EBLN1: variants seen among roughly 807,000 people sequenced by gnomAD.
The protein encoded by EBLN1 is endogenous Bornavirus-like nucleoprotein 1.
In EBLN1, 1 loss-of-function variant was observed where a neutral mutation model predicts 0.8. The ratio of observed to expected loss-of-function variants is 1.32; its 90% CI spans 0.47 to 6.26. EBLN1 has a LOEUF of 6.26. Among genes scored for constraint, EBLN1 ranks in the 30% most tolerant of loss-of-function variants. The pLI is 0.15. For missense variants in EBLN1, 396 were observed against 447.9 expected (o/e 0.88, Z 1.05); for synonymous variants, 158 against 158.5 (o/e 1.00, Z 0.02).
Position 22,217,480 on chromosome 10 carries a change from C to G in EBLN1, c.-169+436G>C, listed in dbSNP as rs187771533. ...ATAAAGAAAGACAAAGAGGAAAAAA[C>G]ATATCCTCTGCTTTTTCTGTATATC... On this transcript the variant is annotated intron_variant, in intron 1 of 2. Transcript: ENST00000422359. 2.5e-3 allele frequency among the ~76,000 whole-genome samples: 382 copies of G among 152,342 alleles called. 1 individual carries two copies. The highest frequency in any genetic ancestry group is 3.9e-3 in the Non-Finnish European group (268 of 68,026).
In EBLN1 at chr10:22,214,641, C is replaced by T. The variant is rs191027442; in HGVS notation, c.-168-1676G>A. On this transcript the variant is annotated intron_variant, in intron 1 of 2. Coordinates refer to ENST00000422359, the MANE Select transcript of EBLN1 (RefSeq NM_001394757.1). ...GCAAGTATACAAGGTTAACACTGAC[C>T]TTATATAAAAACCTCATACAAATCT... Among the ~76,000 whole-genome samples the T allele has an allele frequency of 2.6e-5, 4 of 152,136 alleles. No homozygotes were observed. The East Asian group carries it at 7.7e-4, about 29-fold the overall frequency.
At chr10:22,210,505 C>T (rs571704414) in intron 2 of EBLN1, among the ~76,000 whole-genome samples, 6 of 152,258 alleles carry the variant, frequency 3.9e-5, no homozygotes, top group South Asian at 2.1e-4. Flanking sequence ...AAGCTTTCCT[C>T]GACATAAGGA....
intron 1 of EBLN1, among the ~76,000 whole-genome samples, chr10:22,216,261 CAAAACAAAAACA>C (rs748743903): frequency 6.6e-6 from 1 of 151,626 alleles, no homozygotes; most frequent in East Asian, 1.9e-4. Context: ...AAACACATTG[CAAAACAAAAACA>C]AAAACAAAAA....
intron 2 of EBLN1, among the ~76,000 whole-genome samples, chr10:22,210,792 C>T (rs1213185016): frequency 6.6e-6 from 1 of 152,106 alleles, no homozygotes; most frequent in Non-Finnish European, 1.5e-5. Flanking sequence ...CCCAGAATGC[C>T]CTCAGGTTTC....
chr10:22,208,671 T>G lies in EBLN1; in HGVS notation c.*212A>C. ...GTCAAAGCATATTTTTGGCCTCCAG[T>G]ACTTAAAAAGACTTTGGAGATCACA... is the stretch of plus-strand genomic sequence containing the variant. On this transcript the variant is annotated 3_prime_UTR_variant, in exon 3 of 3. Transcript: ENST00000422359. 6.1e-6 allele frequency: 3 copies of G among 494,546 alleles called. No individual in the cohort carries two copies. The highest frequency in any genetic ancestry group is 6.9e-5 in the East Asian group (2 of 29,142). 30.6% of individuals were successfully genotyped at this position (494,546 alleles called of 1,614,324 possible).
chr10:22,216,438 A>C lies in EBLN1; in HGVS notation c.-169+1478T>G, dbSNP rs4748796. Among the ~76,000 whole-genome samples, 3,119 of 152,228 alleles carry C rather than the reference A, an allele frequency of 0.02. 291 individuals are homozygous for C. In the East Asian group the frequency reaches 0.25, roughly 12 times the overall value. On this transcript the variant is annotated intron_variant, in intron 1 of 2. Coordinates refer to ENST00000422359, the MANE Select transcript of EBLN1 (RefSeq NM_001394757.1). ...TAAAACTAAAGATAATATATAACCT[A>C]CTTTGAATTATCACCAATAGACTCA...
chr10:22,216,602 T>C (rs1412986184), intron 1 of EBLN1, among the ~76,000 whole-genome samples: 2 of 152,214 alleles, frequency 1.3e-5, no homozygotes, highest in Admixed American at 6.5e-5. Flanking sequence ...TTCAAAAACT[T>C]AGAATATTTG....
intron 1 of EBLN1, among the ~76,000 whole-genome samples, chr10:22,214,865 C>T (rs74906659): frequency 1.2e-4 from 19 of 152,200 alleles, no homozygotes; most frequent in African/African-American, 4.3e-4. Context: ...TTATTTATAA[C>T]AGTCAAAAAG....
At chr10:22,214,918 A>G (rs1256138935) in intron 1 of EBLN1, among the ~76,000 whole-genome samples, 3 of 152,098 alleles carry the variant, frequency 2.0e-5, no homozygotes, top group Non-Finnish European at 4.4e-5. Context: ...ACTGATAAAT[A>G]AAATGAGTTA....
chr10:22,215,608 A>G (rs1834786663), intron 1 of EBLN1, among the ~76,000 whole-genome samples: 1 of 152,200 alleles, frequency 6.6e-6, no homozygotes, highest in Admixed American at 6.5e-5. Flanking sequence ...TGAAAGTGCA[A>G]ATTGACACCA....
At chr10:22,212,045 G>T (rs1343884712) in intron 2 of EBLN1, among the ~76,000 whole-genome samples, 1 of 152,140 alleles carries the variant, frequency 6.6e-6, no homozygotes, top group Non-Finnish European at 1.5e-5. Context: ...AAAACCAAAG[G>T]TCTTAACTAA....
Position 22,217,998 on chromosome 10 carries a change from A to T in EBLN1, c.-251T>A, listed in dbSNP as rs1462497071. The stretch of plus-strand genomic sequence containing the variant: ...GCAAGCACCTTCCTCACAGGGCAGC[A>T]GGACCTAGAGAAAGAGCAAGGACGA... On this transcript the variant is annotated 5_prime_UTR_variant, in exon 1 of 3. Coordinates refer to ENST00000422359, the MANE Select transcript of EBLN1 (RefSeq NM_001394757.1). 6.6e-6 allele frequency: 1 copy of T among 152,318 alleles called. No individual in the cohort carries two copies. Among genetic ancestry groups the T allele is most frequent in the East Asian group, 1.9e-4 (1 of 5,198 alleles). The allele number at this position is 152,318 out of a possible 1,614,324, so 9.4% of individuals were successfully genotyped here. A position where few individuals can be genotyped will look rare whatever the true frequency, so the allele number is the denominator to read the frequency against.
intron 1 of EBLN1, among the ~76,000 whole-genome samples, chr10:22,214,330 C>T (rs1292578769): frequency 4.6e-4 from 66 of 144,050 alleles, no homozygotes; most frequent in Non-Finnish European, 7.5e-4. Flanking sequence ...GACAAGGACT[C>T]ACTCTGTCAC....
chr10:22,209,994 T>C lies in EBLN1; in HGVS notation c.-11A>G, dbSNP rs1834735777. 4 of 1,392,642 alleles carry C rather than the reference T, an allele frequency of 2.9e-6. No individual in the cohort carries two copies. The East Asian group carries it at 7.5e-5, about 26-fold the overall frequency. The allele number at this position is 1,392,642 out of a possible 1,614,324, so 86.3% of individuals were successfully genotyped here. On this transcript the variant is annotated 5_prime_UTR_variant, in exon 3 of 3. Transcript: ENST00000422359. The stretch of plus-strand genomic sequence containing the variant: ...TCTTGGGCGGGACATTGTGGGTGAT[T>C]GTTTCTGTGATTTTCACACAATTTT...
intron 1 of EBLN1, among the ~76,000 whole-genome samples, chr10:22,214,352 T>C (rs1834775807): frequency 6.6e-6 from 1 of 150,486 alleles, no homozygotes; most frequent in Non-Finnish European, 1.5e-5. Flanking sequence ...CAGGCTGCAG[T>C]GTAGTGACAC....
intron 2 of EBLN1, among the ~76,000 whole-genome samples, chr10:22,211,292 C>T (rs1305479911): frequency 3.9e-5 from 6 of 151,952 alleles, no homozygotes; most frequent in East Asian, 1.9e-4. Flanking sequence ...TTTTATTCCC[C>T]GAAAGTCCAT....
intron 1 of EBLN1, among the ~76,000 whole-genome samples, chr10:22,214,053 TATCAAGACAA>T (rs1452986325): frequency 1.3e-5 from 2 of 151,916 alleles, no homozygotes; most frequent in African/African-American, 4.8e-5. Flanking sequence ...AAAGAGGCAA[TATCAAGACAA>T]ATTCAGCAGG....
Position 22,209,640 on chromosome 10 carries a change from G to T in EBLN1, c.344C>A (p.Thr115Asn). ...VIGNENKETG[T>N]LYASKFEDVL... ...ATCTTCAAATTTGCTAGCATAGAGAGTACCTGTTTCCTTGTTCTCATTCCC... is the reference window on the plus strand; with the variant it reads ...ATCTTCAAATTTGCTAGCATAGAGATTACCTGTTTCCTTGTTCTCATTCCC... Residue 115 changes from threonine (T) to asparagine (N), a missense_variant, in exon 3 of 3, where the codon ACT (threonine) becomes AAT (asparagine). Transcript: ENST00000422359. The T allele has an allele frequency of 6.5e-7, 1 of 1,535,884 alleles. No individual in the cohort carries two copies. The highest frequency in any genetic ancestry group is 1.2e-5 in the South Asian group (1 of 84,066).
rs566062600 is a variant in EBLN1 at position 22,210,233 on chromosome 10, C to T, written c.-44-206G>A. On this transcript the variant is annotated intron_variant, in intron 2 of 2. Coordinates refer to ENST00000422359, the MANE Select transcript of EBLN1 (RefSeq NM_001394757.1). ...CCTAAATGTGCAGCTGCACTAAAATCCTTTCCCCTGTCAACTGTGAACACC... is the reference window on the plus strand; with the variant it reads ...CCTAAATGTGCAGCTGCACTAAAATTCTTTCCCCTGTCAACTGTGAACACC... Among the ~76,000 whole-genome samples, 69 of 152,230 alleles carry T rather than the reference C, an allele frequency of 4.5e-4. No homozygotes were observed. The Middle Eastern group carries it at 0.01, about 23-fold the overall frequency.
Sources: gnomAD v4.1 joint callset for allele counts (sites outside exome capture counted in the v4.1 genomes callset) on GRCh38, gnomAD v4.1.1 for gene constraint, MANE v1.5 for transcripts, NCBI Gene and HGNC (gene_info 2026-07-23, HGNC 2026-07-21) for gene names.